Variants in GUCY1A2 observed in about 807,000 individuals in gnomAD.
GUCY1A2 encodes the protein guanylate cyclase 1 soluble subunit alpha 2.
Under a neutral mutation model 63.5 loss-of-function variants are expected in GUCY1A2, and 27 were observed. The observed-to-expected ratio is 0.43, with a 90% CI of 0.31 to 0.59. GUCY1A2 has a LOEUF of 0.59. Among genes scored for constraint, GUCY1A2 ranks in the 20% least tolerant of loss-of-function variants. The probability of loss-of-function intolerance (pLI) is 0.11; values close to 1 mark genes in which losing one functional copy is unlikely to be tolerated. For missense variants in GUCY1A2, 768 were observed against 913.3 expected, an observed-to-expected ratio of 0.84 and a Z score of 2.05; for synonymous variants, 364 against 343.5, an observed-to-expected ratio of 1.06 and a Z score of -0.66.
At chr11:106,817,955 A>C (rs1487072701) in intron 4 of GUCY1A2, among the ~76,000 whole-genome samples, 1 of 152,138 alleles carries the variant, frequency 6.6e-6, no homozygotes, top group African/African-American at 2.4e-5. Context: ...GAAAGTAAAA[A>C]TAGAATTACT....
At chr11:106,901,287 A>T (rs960680540) in intron 4 of GUCY1A2, among the ~76,000 whole-genome samples, 1 of 152,136 alleles carries the variant, frequency 6.6e-6, no homozygotes, top group Non-Finnish European at 1.5e-5. Flanking sequence ...TTCAGGCCCC[A>T]CTTCTAACTC....
intron 6 of GUCY1A2, among the ~76,000 whole-genome samples, chr11:106,751,609 T>C (rs2135385381): frequency 1.3e-5 from 2 of 152,280 alleles, no homozygotes; most frequent in Middle Eastern, 6.8e-3. Flanking sequence ...CATTTGCCAG[T>C]ATTTTCTAAT....
chr11:106,977,829 A>C (rs1591351611), intron 3 of GUCY1A2, among the ~76,000 whole-genome samples: 1 of 152,156 alleles, frequency 6.6e-6, no homozygotes, highest in Admixed American at 6.5e-5. Flanking sequence ...CCAGCACCCC[A>C]TGGATTCCTA....
chr11:106,690,336 AGCC>A (rs1862601235), intron 7 of GUCY1A2, among the ~76,000 whole-genome samples: 1 of 142,886 alleles, frequency 7.0e-6, no homozygotes. Context: ...AATACTATGC[AGCC>A]ATAAAAAAAG....
intron 6 of GUCY1A2, among the ~76,000 whole-genome samples, chr11:106,721,285 G>A (rs1863312406): frequency 6.6e-6 from 1 of 151,914 alleles, no homozygotes; most frequent in Admixed American, 6.6e-5. Flanking sequence ...TCTCAAACTC[G>A]CGGCCTCAGG....
rs575570563 is a variant in GUCY1A2 at position 106,686,841 on chromosome 11, G to T, written c.*708C>A. On this transcript the variant is annotated 3_prime_UTR_variant, in exon 8 of 8. Coordinates refer to ENST00000526355, the MANE Select transcript of GUCY1A2 (RefSeq NM_000855.3). Reference sequence around the variant, plus strand: ...TAAGCAGACATATAATGCTTTCTTGGTATCTGAAATCCTTGGTTATATGTA... The same window carrying T: ...TAAGCAGACATATAATGCTTTCTTGTTATCTGAAATCCTTGGTTATATGTA... The T allele has an allele frequency of 2.0e-5, 4 of 195,878 alleles. No individual in the cohort carries two copies. In the South Asian group the frequency reaches 7.7e-4, roughly 38 times the overall value. The allele number at this position is 195,878 out of a possible 1,614,324, so 12.1% of individuals were successfully genotyped here.
At chr11:106,879,859 C>T (rs77395189) in intron 4 of GUCY1A2, among the ~76,000 whole-genome samples, 1,617 of 152,190 alleles carry the variant, frequency 0.011, 18 homozygotes, top group African/African-American at 0.031. Context: ...GGATACTGAC[C>T]TCTCTATTGA....
At chr11:106,865,830 A>T (rs959846761) in intron 4 of GUCY1A2, among the ~76,000 whole-genome samples, 3 of 151,664 alleles carry the variant, frequency 2.0e-5, no homozygotes, top group Non-Finnish European at 4.4e-5. Context: ...ACATAATCCC[A>T]GACTTGAATT....
chr11:106,860,099 A>T (rs1412710062), intron 4 of GUCY1A2, among the ~76,000 whole-genome samples: 2 of 151,888 alleles, frequency 1.3e-5, no homozygotes, highest in Admixed American at 6.6e-5. Context: ...ATTATTACTC[A>T]ACATATTTAA....
chr11:106,907,037 A>T (rs1186271900), intron 4 of GUCY1A2, among the ~76,000 whole-genome samples: 1 of 152,146 alleles, frequency 6.6e-6, no homozygotes, highest in Non-Finnish European at 1.5e-5. Flanking sequence ...ATATCTAAGT[A>T]ACAAAACTGC....
intron 2 of GUCY1A2, among the ~76,000 whole-genome samples, chr11:106,981,289 A>T (rs1184454050): frequency 6.6e-6 from 1 of 152,294 alleles, no homozygotes; most frequent in East Asian, 1.9e-4. Context: ...ATTCTGGCTT[A>T]ATTTCTCCTC....
chr11:106,964,761 T>C (rs190616796), intron 3 of GUCY1A2, among the ~76,000 whole-genome samples: 19 of 152,200 alleles, frequency 1.2e-4, no homozygotes, highest in Admixed American at 3.3e-4. Context: ...GGGCGGATCA[T>C]GAGGTCAGGA....
chr11:106,710,114 T>G (rs1863078071), intron 6 of GUCY1A2, among the ~76,000 whole-genome samples: 1 of 102,314 alleles, frequency 9.8e-6, no homozygotes, highest in Non-Finnish European at 1.8e-5. Context: ...ATTATATACA[T>G]GTATATAATA....
intron 4 of GUCY1A2, among the ~76,000 whole-genome samples, chr11:106,848,061 G>A (rs1859300941): frequency 6.6e-6 from 1 of 150,996 alleles, no homozygotes. Flanking sequence ...GCCCAATGAA[G>A]TTTATTACGC....
At chr11:106,777,342 G>A (rs1009206514) in intron 5 of GUCY1A2, among the ~76,000 whole-genome samples, 1 of 151,686 alleles carries the variant, frequency 6.6e-6, no homozygotes, top group Non-Finnish European at 1.5e-5. Context: ...AGCTAGTAGG[G>A]AGGCTGAGGC....
chr11:106,717,162 A>G (rs1173919517), intron 6 of GUCY1A2, among the ~76,000 whole-genome samples: 1 of 152,220 alleles, frequency 6.6e-6, no homozygotes, highest in Non-Finnish European at 1.5e-5. Context: ...GTCACTTGCA[A>G]AAGAAGGACT....
intron 4 of GUCY1A2, among the ~76,000 whole-genome samples, chr11:106,904,360 T>TCA (rs1860175494): frequency 6.6e-6 from 1 of 152,150 alleles, no homozygotes; most frequent in Non-Finnish European, 1.5e-5. Context: ...GTGTAATTCC[T>TCA]ATAATGTTAT....
intron 6 of GUCY1A2, among the ~76,000 whole-genome samples, chr11:106,730,714 C>T (rs1863488251): frequency 6.6e-6 from 1 of 152,122 alleles, no homozygotes; most frequent in Non-Finnish European, 1.5e-5. Flanking sequence ...AATGGCTGAA[C>T]TAATTTACAT....
At chr11:106,781,952 T>G (rs1168846059) in intron 5 of GUCY1A2, among the ~76,000 whole-genome samples, 1 of 152,154 alleles carries the variant, frequency 6.6e-6, no homozygotes, top group East Asian at 1.9e-4. Context: ...CCCATAACAT[T>G]TTTCTCCTTG....
Sources: gnomAD v4.1 joint callset for allele counts (sites outside exome capture counted in the v4.1 genomes callset) on GRCh38, gnomAD v4.1.1 for gene constraint, MANE v1.5 for transcripts, NCBI Gene and HGNC (gene_info 2026-07-23, HGNC 2026-07-21) for gene names.